The following SGCZ variants were observed in gnomAD, a reference collection of about 807,000 sequenced individuals.
The protein encoded by SGCZ is zeta-sarcoglycan.
Under a neutral mutation model 41.3 loss-of-function variants are expected in SGCZ, and 40 were observed. That is an observed-to-expected ratio of 0.97 (90% confidence interval 0.75 to 1.26). The LOEUF (loss-of-function observed/expected upper bound fraction) is 1.26. SGCZ is among the 50% of genes most tolerant of loss of function. The pLI is 0.00. For missense variants in SGCZ, 552 were observed against 369.8 expected (o/e 1.49, Z -4.04); for synonymous variants, 206 against 137.5 (o/e 1.50, Z -3.49).
intron 1 of SGCZ, among the ~76,000 whole-genome samples, chr8:15,135,701 T>C (rs1462312010): frequency 6.6e-6 from 1 of 152,142 alleles, no homozygotes; most frequent in Non-Finnish European, 1.5e-5. Context: ...GTAGTACTGA[T>C]GCCGGGCAGG....
At position 15,146,171 on chromosome 8, in the gene SGCZ, GGAAAAA is replaced by G. The variant is rs1166384405; in HGVS notation, c.39+91408_39+91413del. Among the ~76,000 whole-genome samples the G allele has an allele frequency of 5.3e-5, 8 of 151,610 alleles. 1 individual carries two copies. In the South Asian group the frequency reaches 1.2e-3, roughly 24 times the overall value. On this transcript the variant is annotated intron_variant, in intron 1 of 7. Transcript: ENST00000382080. ...AAAATTGAAATAAATAGTAACTCCA[GGAAAAA>G]GAAAAAGTCATACAAAAAAAAGAAA... is the stretch of plus-strand genomic sequence containing the variant.
intron 2 of SGCZ, among the ~76,000 whole-genome samples, chr8:14,518,044 A>C (rs949996556): frequency 2.0e-5 from 3 of 151,818 alleles, no homozygotes; most frequent in African/African-American, 7.2e-5. Flanking sequence ...CTCTGAGAAA[A>C]TAGTTTTTTA....
chr8:14,182,383 A>T (rs1804757546), intron 4 of SGCZ, among the ~76,000 whole-genome samples: 1 of 152,126 alleles, frequency 6.6e-6, no homozygotes, highest in African/African-American at 2.4e-5. Context: ...TTGCTCAAGC[A>T]CAGTAGGCAT....
At chr8:14,522,589 G>A (rs1362306215) in intron 2 of SGCZ, among the ~76,000 whole-genome samples, 2 of 151,598 alleles carry the variant, frequency 1.3e-5, no homozygotes, top group Non-Finnish European at 3.0e-5. Context: ...CCTTATATTG[G>A]AAACTTGTGT....
At chr8:15,199,570 G>A (rs563609953) in intron 1 of SGCZ, among the ~76,000 whole-genome samples, 105 of 152,090 alleles carry the variant, frequency 6.9e-4, no homozygotes, top group East Asian at 3.7e-3. Context: ...AAATTATGGC[G>A]TCCATTTACG....
At chr8:15,227,272 G>GT (rs1427625906) in intron 1 of SGCZ, among the ~76,000 whole-genome samples, 1 of 152,164 alleles carries the variant, frequency 6.6e-6, no homozygotes, top group East Asian at 1.9e-4. Context: ...CAGAATTTGT[G>GT]TTTTTCTCGT....
At chr8:14,697,448 T>G (rs1459294026) in intron 1 of SGCZ, among the ~76,000 whole-genome samples, 3 of 152,112 alleles carry the variant, frequency 2.0e-5, no homozygotes, top group African/African-American at 7.2e-5. Context: ...ATTATTTCAC[T>G]TACAATACAT....
chr8:14,407,858 A>C (rs1045045864), intron 2 of SGCZ, among the ~76,000 whole-genome samples: 2 of 152,140 alleles, frequency 1.3e-5, no homozygotes, highest in Non-Finnish European at 2.9e-5. Context: ...TCCTAAATAC[A>C]CTTGAAAGAA....
intron 1 of SGCZ, among the ~76,000 whole-genome samples, chr8:15,130,280 A>T (rs1309961974): frequency 2.6e-5 from 4 of 152,158 alleles, no homozygotes; most frequent in Admixed American, 2.6e-4. Context: ...TACCATAAGG[A>T]TGCCAATATA....
At chr8:14,306,408 C>G (rs1042645359) in intron 3 of SGCZ, among the ~76,000 whole-genome samples, 3 of 151,974 alleles carry the variant, frequency 2.0e-5, no homozygotes, top group Non-Finnish European at 4.4e-5. Flanking sequence ...CACATTATTC[C>G]AAATAAAATG....
rs112145213 is a variant in SGCZ at position 14,278,065 on chromosome 8, A to C, written c.337-40386T>G. Among the ~76,000 whole-genome samples the C allele has an allele frequency of 2.8e-3, 425 of 152,148 alleles. 5 individuals are homozygous for C. The highest frequency in any genetic ancestry group is 9.3e-3 in the African/African-American group (387 of 41,520). ...CCTTTGTTCACAGTGCAGTTCCAACACTCACCTTTCCATAACTTTTCACTC... is the reference window on the plus strand; with the variant it reads ...CCTTTGTTCACAGTGCAGTTCCAACCCTCACCTTTCCATAACTTTTCACTC... On this transcript the variant is annotated intron_variant, in intron 3 of 7. Coordinates refer to ENST00000382080, the MANE Select transcript of SGCZ (RefSeq NM_139167.4).
chr8:14,309,314 G>C (rs556340788), intron 3 of SGCZ: 94 of 1,594,306 alleles, frequency 5.9e-5, no homozygotes, highest in Non-Finnish European at 7.7e-5. Flanking sequence ...GGATGGTATT[G>C]AGACTATGTG....
At chr8:14,813,223 A>T (rs183587071) in intron 1 of SGCZ, among the ~76,000 whole-genome samples, 1 of 152,344 alleles carries the variant, frequency 6.6e-6, no homozygotes, top group East Asian at 1.9e-4. Flanking sequence ...TTTACCAGTC[A>T]TCTTTGGAAG....
At chr8:14,684,139 C>G (rs1424137693) in intron 1 of SGCZ, among the ~76,000 whole-genome samples, 1 of 152,004 alleles carries the variant, frequency 6.6e-6, no homozygotes, top group Admixed American at 6.6e-5. Context: ...TGTTTCAGAG[C>G]TTTTTAAAAA....
chr8:15,003,802 G>A (rs1407506465), intron 1 of SGCZ, among the ~76,000 whole-genome samples: 1 of 152,068 alleles, frequency 6.6e-6, no homozygotes, highest in Non-Finnish European at 1.5e-5. Context: ...CCCAGGCCCA[G>A]TGAGTAATTA....
At chr8:14,714,630 T>C (rs1455075059) in intron 1 of SGCZ, among the ~76,000 whole-genome samples, 3 of 152,100 alleles carry the variant, frequency 2.0e-5, no homozygotes, top group Non-Finnish European at 4.4e-5. Flanking sequence ...TACCTCAGTC[T>C]GCAGATGATT....
chr8:14,765,817 C>A (rs1471840753), intron 1 of SGCZ, among the ~76,000 whole-genome samples: 1 of 152,014 alleles, frequency 6.6e-6, no homozygotes, highest in East Asian at 1.9e-4. Flanking sequence ...TATCACACAG[C>A]CTGCAAAAAA....
Position 14,985,156 on chromosome 8 carries a change from C to T in SGCZ, c.39+252429G>A, listed in dbSNP as rs140366750. Among the ~76,000 whole-genome samples the T allele has an allele frequency of 5.4e-3, 828 of 152,184 alleles. 4 individuals carry two copies. The highest frequency in any genetic ancestry group is 0.021 in the South Asian group (100 of 4,828). On this transcript the variant is annotated intron_variant, in intron 1 of 7. Coordinates refer to ENST00000382080, the MANE Select transcript of SGCZ (RefSeq NM_139167.4). ...AGTTTGAAATGAATACATTTGGATG[C>T]TTATTGTTGTCTCCCTTCTCACTTC...
chr8:14,387,568 G>A (rs1804620175), intron 2 of SGCZ, among the ~76,000 whole-genome samples: 1 of 151,716 alleles, frequency 6.6e-6, no homozygotes, highest in African/African-American at 2.4e-5. Flanking sequence ...TGCTTTTAAG[G>A]TTTTTAAATA....
Sources: allele counts gnomAD v4.1 joint callset (sites outside exome capture counted in the v4.1 genomes callset), GRCh38; gene constraint gnomAD v4.1.1; transcripts MANE v1.5; gene names NCBI Gene and HGNC (gene_info 2026-07-23, HGNC 2026-07-21).